The following AHCY variants were observed in gnomAD, a reference collection of about 807,000 sequenced individuals.
AHCY encodes adenosylhomocysteinase.
In AHCY, 24 loss-of-function variants were observed where a neutral mutation model predicts 45.4. The ratio of observed to expected loss-of-function variants is 0.53; its 90% CI spans 0.38 to 0.74. The LOEUF (loss-of-function observed/expected upper bound fraction) is 0.74, where lower values mean the gene tolerates loss of function less well. Among genes scored for constraint, AHCY ranks in the 30% least tolerant of loss-of-function variants. AHCY has a pLI of 0.00. For missense variants in AHCY, 449 were observed against 594.1 expected, an observed-to-expected ratio of 0.76 and a Z score of 2.54; for synonymous variants, 245 against 235.1, an observed-to-expected ratio of 1.04 and a Z score of -0.39.
At chr20:34,295,050 T>C (rs2036525939) in intron 2 of AHCY, among the ~76,000 whole-genome samples, 1 of 152,204 alleles carries the variant, frequency 6.6e-6, no homozygotes, top group African/African-American at 2.4e-5. Context: ...GCAGCCATGA[T>C]GGGTCCAGGG....
chr20:34,251,635 T>C, the AHCY span, among the ~76,000 whole-genome samples: 2 of 152,306 alleles, frequency 1.3e-5, no homozygotes, highest in South Asian at 4.1e-4. Flanking sequence ...GAATTGGAAA[T>C]GAGGAATTTG....
At chr20:34,279,436 C>A (rs1318501079), downstream of AHCY, among the ~76,000 whole-genome samples, 17 of 149,054 alleles carry the variant, frequency 1.1e-4, no homozygotes, top group Non-Finnish European at 1.3e-4. Flanking sequence ...AAAAAAAAAA[C>A]AACAACTCTA....
the AHCY span, among the ~76,000 whole-genome samples, chr20:34,258,367 T>A: frequency 6.7e-6 from 1 of 149,606 alleles, no homozygotes; most frequent in African/African-American, 2.5e-5. Context: ...TTTAATAGAA[T>A]CATTTAAAAA....
At position 34,295,582 on chromosome 20, in the gene AHCY, T is replaced by C; in HGVS notation, c.32A>G (p.Asp11Gly). Residue 11 changes from aspartate to glycine, a missense_variant, in exon 2 of 10, where the codon GAC (aspartate) becomes GGC (glycine). Physicochemically the swap from Asp to Gly is moderately conservative, Grantham distance 94. Transcript: ENST00000217426. ...GCGTCCCCAGGCAGCCAGGCCGATG[T>C]CGGCTACGGGAGGAAACAGGTGGGA... is the stretch of plus-strand genomic sequence containing the variant. MSDKLPYKVA[D>G]IGLAAWGRKA... is the part of the protein sequence containing the mutation. The C allele has an allele frequency of 6.2e-7, 1 of 1,613,994 alleles. No homozygotes were observed. The highest frequency in any genetic ancestry group is 8.5e-7 in the Non-Finnish European group (1 of 1,179,968).
Position 34,290,254 on chromosome 20 carries a change from T to C in AHCY, c.972+78A>G. 7.0e-7 allele frequency: 1 copy of C among 1,420,366 alleles called. No individual in the cohort carries two copies. Among genetic ancestry groups the C allele is most frequent in the Admixed American group, 1.7e-5 (1 of 59,766 alleles). The allele number at this position is 1,420,366 out of a possible 1,614,324, so 88.0% of individuals were successfully genotyped here. On this transcript the variant is annotated intron_variant, in intron 8 of 9. Coordinates refer to ENST00000217426, the MANE Select transcript of AHCY (RefSeq NM_000687.4). This position sits in a 1 kb window ranked among gnomAD's most constrained non-coding sequence, Gnocchi z 4.5. ...CCCTGCACAGGTTGCCACCATCTCC[T>C]CAGCTCTCCTCCCTGGCAGCCAGCA... is the stretch of plus-strand genomic sequence containing the variant.
the AHCY span, among the ~76,000 whole-genome samples, chr20:34,236,646 T>G: frequency 6.6e-6 from 1 of 151,764 alleles, no homozygotes; most frequent in Non-Finnish European, 1.5e-5. Context: ...AGCCCAGGAG[T>G]TTGAAACCAG....
the AHCY span, among the ~76,000 whole-genome samples, chr20:34,253,023 A>G: frequency 6.6e-6 from 1 of 152,178 alleles, no homozygotes; most frequent in Non-Finnish European, 1.5e-5. Flanking sequence ...AAGCAGAAAC[A>G]ATTTTTCTTA....
At chr20:34,292,306 C>T in intron 4 of AHCY, 52 bp downstream of exon 4, 1 of 1,593,926 alleles carries the variant, frequency 6.3e-7, no homozygotes, top group South Asian at 1.1e-5. Flanking sequence ...TGTGGGCAAA[C>T]AGGCCCCACC....
At chr20:34,283,887 C>T (rs1022483169) in intron 9 of AHCY, among the ~76,000 whole-genome samples, 2 of 152,206 alleles carry the variant, frequency 1.3e-5, no homozygotes, top group African/African-American at 4.8e-5. Context: ...GGTATGTAGA[C>T]CCCATCACAG....
At chr20:34,246,321 T>A in the AHCY span, 2 of 1,549,718 alleles carry the variant, frequency 1.3e-6, no homozygotes, top group Non-Finnish European at 1.7e-6. Flanking sequence ...GCTTCTTGTT[T>A]GGGTGAATTT....
At chr20:34,310,847 C>A (rs558024779) in intron 1 of AHCY, among the ~76,000 whole-genome samples, 1 of 152,098 alleles carries the variant, frequency 6.6e-6, no homozygotes, top group Non-Finnish European at 1.5e-5. Flanking sequence ...AAACGACAGT[C>A]GGGCGTGGTG....
At chr20:34,232,690 A>C in the AHCY span, among the ~76,000 whole-genome samples, 1 of 152,344 alleles carries the variant, frequency 6.6e-6, no homozygotes, top group South Asian at 2.1e-4. Flanking sequence ...ATTTTGTATG[A>C]GTCAGCTTAA....
the AHCY span, among the ~76,000 whole-genome samples, chr20:34,233,567 T>C: frequency 8.5e-5 from 13 of 152,238 alleles, no homozygotes; most frequent in African/African-American, 2.9e-4. Context: ...GGGTGAATTT[T>C]ATGATATGTG....
At chr20:34,260,950 A>G in the AHCY span, among the ~76,000 whole-genome samples, 1 of 152,164 alleles carries the variant, frequency 6.6e-6, no homozygotes, top group Non-Finnish European at 1.5e-5. Context: ...GGGGCACTGG[A>G]GCCTGGCATT....
At chr20:34,235,866 A>AAGGAAGGAAGGG in the AHCY span, among the ~76,000 whole-genome samples, 243 of 36,822 alleles carry the variant, frequency 6.6e-3, 5 homozygotes, top group African/African-American at 7.4e-3. Flanking sequence ...GGAAGGAAGG[A>AAGGAAGGAAGGG]AAGGAAGGAA....
At chr20:34,295,697 G>C in intron 1 of AHCY, 112 bp from the exon 2 acceptor site, 2 of 1,099,932 alleles carry the variant, frequency 1.8e-6, no homozygotes, top group South Asian at 1.3e-5. Flanking sequence ...CTAGGGCTTA[G>C]CACTCTGTCA....
At chr20:34,260,531 G>C in the AHCY span, 1 of 1,610,578 alleles carries the variant, frequency 6.2e-7, no homozygotes. Flanking sequence ...TGTCTCTATT[G>C]TGGGTAAGTC....
chr20:34,259,848 G>A, the AHCY span, among the ~76,000 whole-genome samples: 1 of 151,974 alleles, frequency 6.6e-6, no homozygotes, highest in East Asian at 1.9e-4. Flanking sequence ...ACCTGCATTC[G>A]TTCTCTCTGG....
the AHCY span, among the ~76,000 whole-genome samples, chr20:34,245,512 T>G: frequency 3.0e-4 from 45 of 151,434 alleles, no homozygotes; most frequent in African/African-American, 1.0e-3. Context: ...CTCAGCCTCC[T>G]GAGTAGCTGG....
Sources: gnomAD v4.1 joint callset for allele counts (sites outside exome capture counted in the v4.1 genomes callset) on GRCh38, gnomAD v4.1.1 for gene constraint, Gnocchi (gnomAD v3.1) non-coding constraint, MANE v1.5 for transcripts, NCBI Gene and HGNC (gene_info 2026-07-23, HGNC 2026-07-21) for gene names.